The following SEM1 variants were observed in gnomAD, a reference collection of about 807,000 sequenced individuals.
The protein encoded by SEM1 is SEM1 26S proteasome subunit.
In SEM1, 3 loss-of-function variants were observed where a neutral mutation model predicts 12.7. The ratio of observed to expected loss-of-function variants is 0.24; its 90% CI spans 0.11 to 0.61. The LOEUF is 0.61. SEM1 is among the 20% of genes least tolerant of loss of function. The pLI is 0.88. For missense variants in SEM1, 59 were observed against 81.3 expected, an observed-to-expected ratio of 0.73 and a Z score of 1.06; for synonymous variants, 30 against 27.8, an observed-to-expected ratio of 1.08 and a Z score of -0.25.
chr7:96,573,779 C>T (rs1167237616), intron 2 of SEM1, among the ~76,000 whole-genome samples: 2 of 151,932 alleles, frequency 1.3e-5, no homozygotes, highest in Non-Finnish European at 2.9e-5. Flanking sequence ...TTGTGGTGTT[C>T]TCTGTATTTC....
At position 96,658,711 on chromosome 7, in the gene SEM1, G is replaced by A. The variant is rs142984983; in HGVS notation, c.171-36068C>T. 4.5e-4 allele frequency among the ~76,000 whole-genome samples: 69 copies of A among 152,300 alleles called. 1 individual carries two copies. In the East Asian group the frequency reaches 0.012, roughly 26 times the overall value. ...CCTAATGCACAACGTGAAGACTTCT[G>A]CAATCTTTGGGGCTACTCCCTGTGC... is the stretch of plus-strand genomic sequence containing the variant. On this transcript the variant is annotated intron_variant, in intron 2 of 2. Transcript: ENST00000417009.
chr7:96,492,132 A>G (rs1203053392), intron 1 of SEM1, among the ~76,000 whole-genome samples: 2 of 152,146 alleles, frequency 1.3e-5, no homozygotes, highest in African/African-American at 4.8e-5. Flanking sequence ...CAGTGGCATT[A>G]AGTACTTTCA....
At chr7:96,556,854 A>C (rs1271480612) in intron 2 of SEM1, among the ~76,000 whole-genome samples, 23 of 127,990 alleles carry the variant, frequency 1.8e-4, no homozygotes, top group Non-Finnish European at 3.2e-4. Context: ...TGGTCTTTTC[A>C]CATAGTCCCA....
intron 2 of SEM1, among the ~76,000 whole-genome samples, chr7:96,521,736 C>T (rs955001060): frequency 6.6e-6 from 1 of 152,078 alleles, no homozygotes; most frequent in Non-Finnish European, 1.5e-5. Flanking sequence ...GAGAATTTGG[C>T]TCCAAATATC....
intron 1 of SEM1, chr7:96,706,146 T>G (rs1297294601): frequency 6.6e-6 from 1 of 152,132 alleles, no homozygotes; most frequent in Admixed American, 6.5e-5. Flanking sequence ...CCAATTAGAA[T>G]AATTGTGAGG....
intron 2 of SEM1, among the ~76,000 whole-genome samples, chr7:96,657,207 G>C (rs77825499): frequency 3.3e-5 from 5 of 152,164 alleles, no homozygotes; most frequent in African/African-American, 4.8e-5. Context: ...GCTATCTGTA[G>C]ACTTGAGACT....
chr7:96,520,963 C>A (rs971050841), intron 2 of SEM1, among the ~76,000 whole-genome samples: 1 of 152,060 alleles, frequency 6.6e-6, no homozygotes. Context: ...CAAGGTCAGA[C>A]CTTCCCATGC....
At chr7:96,604,809 C>T (rs1807296300) in intron 2 of SEM1, among the ~76,000 whole-genome samples, 1 of 152,056 alleles carries the variant, frequency 6.6e-6, no homozygotes, top group South Asian at 2.1e-4. Context: ...ATCCTAGCTA[C>T]TCAGGACGCT....
intron 2 of SEM1, among the ~76,000 whole-genome samples, chr7:96,693,537 C>A (rs1466373068): frequency 2.6e-5 from 4 of 151,738 alleles, no homozygotes; most frequent in Non-Finnish European, 4.4e-5. Context: ...AAATATGACA[C>A]CAAAAGCACA....
At chr7:96,698,621 TTGCACAGCGTATACG>T (rs1034747886) in intron 1 of SEM1, among the ~76,000 whole-genome samples, 2 of 152,226 alleles carry the variant, frequency 1.3e-5, no homozygotes, top group African/African-American at 4.8e-5. Context: ...CTGTATAGTA[TTGCACAGCGTATACG>T]TGCCACCTTT....
In SEM1 at chr7:96,554,341, A is replaced by G. The variant is rs781259095; in HGVS notation, c.171-47643T>C. On this transcript the variant is annotated intron_variant and NMD_transcript_variant, in intron 2 of 3. Transcript: ENST00000466986. ...GATATTGGCTGTGGGTTTGTCATAG[A>G]TAGCGCTTATTATTTTGAAATACAT... 7.9e-4 allele frequency among the ~76,000 whole-genome samples: 79 copies of G among 100,294 alleles called. 3 individuals carry two copies. Among genetic ancestry groups the G allele is most frequent in the Non-Finnish European group, 1.6e-3 (71 of 43,322 alleles). The allele number at this position is 100,294 out of a possible 152,430, so 65.8% of individuals were successfully genotyped here.
intron 2 of SEM1, among the ~76,000 whole-genome samples, chr7:96,602,523 C>T (rs377185625): frequency 5.9e-5 from 9 of 152,168 alleles, no homozygotes; most frequent in East Asian, 5.8e-4. Context: ...GCCTATACTC[C>T]AAAGGCATTC....
chr7:96,618,527 G>A (rs1344089208), downstream of SEM1, among the ~76,000 whole-genome samples: 1 of 152,048 alleles, frequency 6.6e-6, no homozygotes, highest in Non-Finnish European at 1.5e-5. Flanking sequence ...TAACTCGTAA[G>A]TTCAGTAACT....
intron 2 of SEM1, among the ~76,000 whole-genome samples, chr7:96,545,914 T>C (rs1160270402): frequency 1.3e-5 from 2 of 152,106 alleles, no homozygotes; most frequent in African/African-American, 2.4e-5. Context: ...GCTGAGGAGT[T>C]TGAAGAGCCT....
chr7:96,505,268 A>AT (rs1261840458), intron 3 of SEM1, among the ~76,000 whole-genome samples: 1 of 151,534 alleles, frequency 6.6e-6, no homozygotes, highest in East Asian at 2.0e-4. Flanking sequence ...CGCCCAGCTA[A>AT]TTTTTTTGTA....
At chr7:96,561,132 C>T (rs1805678170) in intron 2 of SEM1, among the ~76,000 whole-genome samples, 1 of 151,968 alleles carries the variant, frequency 6.6e-6, no homozygotes, top group Non-Finnish European at 1.5e-5. Context: ...TACTGCAAAC[C>T]CCTCTTACCA....
chr7:96,625,671 A>G (rs931442494), intron 2 of SEM1, among the ~76,000 whole-genome samples: 4 of 152,176 alleles, frequency 2.6e-5, no homozygotes, highest in African/African-American at 9.7e-5. Context: ...TAAATCTGAG[A>G]TCAGTTGTTC....
At chr7:96,547,312 C>T (rs1805132450) in intron 2 of SEM1, among the ~76,000 whole-genome samples, 1 of 152,142 alleles carries the variant, frequency 6.6e-6, no homozygotes, top group Non-Finnish European at 1.5e-5. Flanking sequence ...AAGATAGTCT[C>T]TTAAGTATGA....
intron 2 of SEM1, among the ~76,000 whole-genome samples, chr7:96,635,059 C>G (rs1165658046): frequency 1.3e-5 from 2 of 151,588 alleles, no homozygotes; most frequent in African/African-American, 2.4e-5. Flanking sequence ...ATGAAAGTGA[C>G]CAGGATAAAG....
Sources: allele counts gnomAD v4.1 joint callset (sites outside exome capture counted in the v4.1 genomes callset), GRCh38; gene constraint gnomAD v4.1.1; transcripts MANE v1.5; gene names NCBI Gene and HGNC (gene_info 2026-07-23, HGNC 2026-07-21).